GPR158: variants seen among roughly 807,000 people sequenced by gnomAD.
GPR158 encodes metabotropic glycine receptor.
GPR158 carries 30 observed loss-of-function variants against 78.2 expected under a neutral mutation model. The ratio of observed to expected loss-of-function variants is 0.38; its 90% confidence interval spans 0.29 to 0.52. The LOEUF is 0.52. Among genes scored for constraint, GPR158 ranks in the 20% least tolerant of loss-of-function variants. The pLI, the probability that GPR158 is intolerant of heterozygous loss-of-function variation, is 0.83. For missense variants in GPR158, 1,463 were observed against 1,523.5 expected (o/e 0.96, Z 0.66); for synonymous variants, 581 against 591.1 (o/e 0.98, Z 0.25).
intron 2 of GPR158, among the ~76,000 whole-genome samples, chr10:25,260,139 C>G (rs2130732552): frequency 6.6e-6 from 1 of 152,182 alleles, no homozygotes; most frequent in South Asian, 2.1e-4. Context: ...AACTGTTTGA[C>G]TACGGCACAT....
In GPR158 at chr10:25,599,388, G is replaced by A; in HGVS notation, c.*114G>A. The A allele has an allele frequency of 1.2e-6, 1 of 840,588 alleles. No homozygotes were observed. Among genetic ancestry groups the A allele is most frequent in the Non-Finnish European group, 1.8e-6 (1 of 546,468 alleles). The allele number at this position is 840,588 out of a possible 1,614,324, so 52.1% of individuals were successfully genotyped here. ...GTCAATCAAGGAAAACATGACAGAT[G>A]GTGAGGTAAAGTCAAAGGCATGGGT... On this transcript the variant is annotated 3_prime_UTR_variant, in exon 11 of 11. Transcript: ENST00000376351.
intron 1 of GPR158, among the ~76,000 whole-genome samples, chr10:25,193,128 G>A (rs1852796606): frequency 6.6e-6 from 1 of 152,206 alleles, no homozygotes; most frequent in Non-Finnish European, 1.5e-5. Context: ...GGCTACAGGT[G>A]CTAGGGATAG....
At chr10:25,226,946 C>T (rs900516653) in intron 2 of GPR158, among the ~76,000 whole-genome samples, 4 of 152,292 alleles carry the variant, frequency 2.6e-5, no homozygotes, top group Non-Finnish European at 5.9e-5. Context: ...GTTTCAGTCA[C>T]CCATCCCTGC....
chr10:25,275,382 A>G (rs1373971784), intron 2 of GPR158, among the ~76,000 whole-genome samples: 1 of 152,188 alleles, frequency 6.6e-6, no homozygotes, highest in Admixed American at 6.5e-5. Context: ...ATTAAGTAGT[A>G]ATCCTTTTCC....
At chr10:25,487,374 T>A (rs1355815910) in intron 5 of GPR158, among the ~76,000 whole-genome samples, 10 of 152,180 alleles carry the variant, frequency 6.6e-5, no homozygotes, top group Non-Finnish European at 1.5e-4. Context: ...GCAATATCAT[T>A]TAAAAATTAG....
At chr10:25,503,441 T>C (rs886353310) in intron 5 of GPR158, among the ~76,000 whole-genome samples, 5 of 152,308 alleles carry the variant, frequency 3.3e-5, no homozygotes, top group South Asian at 2.1e-4. Context: ...TGTGGACATA[T>C]TGCCCTTTGC....
intron 1 of GPR158, among the ~76,000 whole-genome samples, chr10:25,212,055 G>C (rs560899111): frequency 6.6e-6 from 1 of 152,170 alleles, no homozygotes; most frequent in East Asian, 1.9e-4. Context: ...GGTAGGTTTT[G>C]CATTAATTTT....
chr10:25,265,227 A>G (rs1854027705), intron 2 of GPR158, among the ~76,000 whole-genome samples: 1 of 152,158 alleles, frequency 6.6e-6, no homozygotes, highest in Non-Finnish European at 1.5e-5. Flanking sequence ...TTGGTTCTGA[A>G]CAACAGACAA....
chr10:25,275,440 G>A (rs1025035187), intron 2 of GPR158, among the ~76,000 whole-genome samples: 9 of 152,116 alleles, frequency 5.9e-5, no homozygotes, highest in South Asian at 4.2e-4. Context: ...TGTTCTCTCC[G>A]TTAGCCCCTC....
At chr10:25,237,735 C>T (rs1853543177) in intron 2 of GPR158, among the ~76,000 whole-genome samples, 1 of 152,172 alleles carries the variant, frequency 6.6e-6, no homozygotes, top group African/African-American at 2.4e-5. Context: ...GAGTTTTACT[C>T]ACTACTACTC....
chr10:25,466,474 C>A (rs976738056), intron 4 of GPR158, 177 bp from the exon 5 acceptor site: 4 of 509,524 alleles, frequency 7.9e-6, no homozygotes, highest in Non-Finnish European at 1.4e-5. Flanking sequence ...CCTTTATAAT[C>A]AGTCTTTTTG....
intron 2 of GPR158, among the ~76,000 whole-genome samples, chr10:25,259,444 TTGTG>T (rs902738137): frequency 6.6e-6 from 1 of 152,154 alleles, no homozygotes; most frequent in Non-Finnish European, 1.5e-5. Flanking sequence ...TCTCAGTTCT[TTGTG>T]TGTGTGTTTT....
chr10:25,521,028 G>A (rs376640165), intron 5 of GPR158, among the ~76,000 whole-genome samples: 11 of 151,940 alleles, frequency 7.2e-5, no homozygotes, highest in East Asian at 5.8e-4. Context: ...CTCTGTGGGC[G>A]TAGGACCCTC....
At chr10:25,275,165 C>A (rs1317870482) in intron 2 of GPR158, among the ~76,000 whole-genome samples, 1 of 152,124 alleles carries the variant, frequency 6.6e-6, no homozygotes, top group African/African-American at 2.4e-5. Context: ...AGGCACTGTT[C>A]CACAGTTTCA....
chr10:25,373,152 T>C (rs1834024629), intron 2 of GPR158, among the ~76,000 whole-genome samples: 1 of 151,908 alleles, frequency 6.6e-6, no homozygotes, highest in Non-Finnish European at 1.5e-5. Context: ...TGTAGCAGCA[T>C]GGATGGAGCT....
At chr10:25,465,899 T>G (rs1025214581) in intron 4 of GPR158, among the ~76,000 whole-genome samples, 2 of 152,214 alleles carry the variant, frequency 1.3e-5, no homozygotes, top group African/African-American at 4.8e-5. Context: ...CTGTTCTTCC[T>G]GGGTCAATAG....
At chr10:25,539,521 A>ATTT (rs35477926) in intron 5 of GPR158, among the ~76,000 whole-genome samples, 28,519 of 141,214 alleles carry the variant, frequency 0.2, 3,485 homozygotes, top group Non-Finnish European at 0.29. Context: ...ACCCCTTTTA[A>ATTT]TTTTTTTTTT....
intron 1 of GPR158, among the ~76,000 whole-genome samples, chr10:25,186,059 T>G (rs931931147): frequency 1.3e-5 from 2 of 152,104 alleles, no homozygotes; most frequent in African/African-American, 4.8e-5. Context: ...GAACTCAGGA[T>G]TAAGAAACTC....
chr10:25,562,024 A>ATTTT (rs34320289), intron 6 of GPR158, among the ~76,000 whole-genome samples: 1 of 140,802 alleles, frequency 7.1e-6, no homozygotes, highest in South Asian at 2.3e-4. Context: ...ATGCAGAAGA[A>ATTTT]TTTTTTTTTT....
Sources: allele counts gnomAD v4.1 joint callset (sites outside exome capture counted in the v4.1 genomes callset), GRCh38; gene constraint gnomAD v4.1.1; transcripts MANE v1.5; gene names NCBI Gene and HGNC (gene_info 2026-07-23, HGNC 2026-07-21).